The following TAFA1 variants were observed in gnomAD, a reference collection of about 807,000 sequenced individuals.
The protein encoded by TAFA1 is chemokine-like protein TAFA-1.
TAFA1 carries 4 observed loss-of-function variants against 18.5 expected under a neutral mutation model. The ratio of observed to expected loss-of-function variants is 0.22; its 90% CI spans 0.11 to 0.49. The LOEUF is 0.49. TAFA1 is among the 20% of genes least tolerant of loss of function. The pLI is 0.98. For synonymous variants in TAFA1, 56 were observed against 55.2 expected (o/e 1.01, Z -0.06); for missense variants, 147 against 169.0 (o/e 0.87, Z 0.72).
At chr3:68,148,811 A>G (rs1055795907) in intron 2 of TAFA1, among the ~76,000 whole-genome samples, 1 of 152,160 alleles carries the variant, frequency 6.6e-6, no homozygotes, top group Non-Finnish European at 1.5e-5. Context: ...ATTTTTTATC[A>G]AGATTAAATT....
chr3:68,196,950 G>T (rs1272255320), intron 2 of TAFA1, among the ~76,000 whole-genome samples: 1 of 151,736 alleles, frequency 6.6e-6, no homozygotes, highest in Non-Finnish European at 1.5e-5. Context: ...GCATGGAATG[G>T]ATTTCACAGA....
intron 2 of TAFA1, among the ~76,000 whole-genome samples, chr3:68,087,675 T>C (rs960035909): frequency 5.3e-5 from 8 of 151,870 alleles, no homozygotes; most frequent in African/African-American, 1.7e-4. Context: ...TCCATCCTTG[T>C]ATTTAAAACA....
At chr3:68,454,634 T>C (rs1272047491) in intron 3 of TAFA1, among the ~76,000 whole-genome samples, 1 of 152,182 alleles carries the variant, frequency 6.6e-6, no homozygotes, top group Non-Finnish European at 1.5e-5. Context: ...GTGACAAGTT[T>C]TTGTTACTGT....
intron 2 of TAFA1, among the ~76,000 whole-genome samples, chr3:68,338,383 A>T (rs2069013445): frequency 6.6e-6 from 1 of 152,212 alleles, no homozygotes; most frequent in Non-Finnish European, 1.5e-5. Flanking sequence ...TTTAAACAAA[A>T]ATATGCTTTG....
chr3:68,164,643 G>GTGTGTC (rs1401911022), intron 2 of TAFA1, among the ~76,000 whole-genome samples: 1 of 151,782 alleles, frequency 6.6e-6, no homozygotes, highest in Non-Finnish European at 1.5e-5. Flanking sequence ...GTGTGTGTGT[G>GTGTGTC]TGTGTGTGTG....
chr3:68,155,566 A>G (rs1020493664), intron 2 of TAFA1, among the ~76,000 whole-genome samples: 2 of 152,120 alleles, frequency 1.3e-5, no homozygotes, highest in Non-Finnish European at 2.9e-5. Context: ...TATGCCTTGT[A>G]GAAGTCCTGT....
intron 2 of TAFA1, among the ~76,000 whole-genome samples, chr3:68,030,668 T>C (rs1193461315): frequency 6.6e-6 from 1 of 152,196 alleles, no homozygotes; most frequent in African/African-American, 2.4e-5. Flanking sequence ...CTATCATTGG[T>C]GGGCATTTGG....
At chr3:68,464,143 G>C (rs2071837309) in intron 3 of TAFA1, among the ~76,000 whole-genome samples, 2 of 152,128 alleles carry the variant, frequency 1.3e-5, no homozygotes, top group Non-Finnish European at 2.9e-5. Flanking sequence ...CCAACTTTCT[G>C]TTCATCAGCT....
intron 2 of TAFA1, among the ~76,000 whole-genome samples, chr3:68,070,579 G>A (rs556559198): frequency 6.6e-6 from 1 of 152,326 alleles, no homozygotes; most frequent in East Asian, 1.9e-4. Flanking sequence ...AATTTCTGCA[G>A]CCAGCTTGAA....
intron 3 of TAFA1, among the ~76,000 whole-genome samples, chr3:68,455,172 T>G (rs1271778130): frequency 6.6e-6 from 1 of 152,124 alleles, no homozygotes; most frequent in Non-Finnish European, 1.5e-5. Context: ...CATCATAAAA[T>G]TCTTCATTCT....
chr3:68,032,829 C>T (rs1196234323), intron 2 of TAFA1, among the ~76,000 whole-genome samples: 1 of 152,158 alleles, frequency 6.6e-6, no homozygotes, highest in East Asian at 1.9e-4. Context: ...AGCCAAGAAT[C>T]TGGGGGAAAG....
At chr3:68,055,687 T>C (rs1409642417) in intron 2 of TAFA1, among the ~76,000 whole-genome samples, 2 of 152,128 alleles carry the variant, frequency 1.3e-5, no homozygotes, top group South Asian at 2.1e-4. Flanking sequence ...GTAGATAACT[T>C]CTGAAGTCTC....
intron 3 of TAFA1, among the ~76,000 whole-genome samples, chr3:68,436,471 A>G (rs888995300): frequency 6.6e-6 from 1 of 152,136 alleles, no homozygotes; most frequent in African/African-American, 2.4e-5. Flanking sequence ...TTTCAAAGAC[A>G]CCAATTAGTT....
chr3:68,002,611 G>A (rs1321170916), upstream of TAFA1, among the ~76,000 whole-genome samples: 1 of 152,146 alleles, frequency 6.6e-6, no homozygotes, highest in African/African-American at 2.4e-5. Flanking sequence ...TAGAAAGAAT[G>A]AATAATCATT....
Position 68,480,358 on chromosome 3 carries a change from G to A in TAFA1, c.260-58398G>A, listed in dbSNP as rs148013376. Among the ~76,000 whole-genome samples, 542 of 152,172 alleles carry A rather than the reference G, an allele frequency of 3.6e-3. 4 individuals carry two copies. Among genetic ancestry groups the A allele is most frequent in the African/African-American group, 0.012 (488 of 41,524 alleles). On this transcript the variant is annotated intron_variant, in intron 3 of 4. Transcript: ENST00000478136. ...GCGGAGGTTGCAGTGAGGCAAGATC[G>A]TGCCATTGCACTCCAGCCTGGGTGA... is the stretch of plus-strand genomic sequence containing the variant.
chr3:68,015,528 T>A (rs987905848), intron 2 of TAFA1, among the ~76,000 whole-genome samples: 22 of 152,314 alleles, frequency 1.4e-4, no homozygotes, highest in Admixed American at 1.2e-3. Context: ...CCTCAGGTGA[T>A]CCGCCCACTT....
At chr3:68,221,120 T>A (rs1044629373) in intron 2 of TAFA1, among the ~76,000 whole-genome samples, 1 of 152,194 alleles carries the variant, frequency 6.6e-6, no homozygotes, top group Non-Finnish European at 1.5e-5. Context: ...ACTCCTCTGC[T>A]TCACCATGGC....
intron 2 of TAFA1, among the ~76,000 whole-genome samples, chr3:68,215,740 GAC>G (rs1357283154): frequency 6.6e-6 from 1 of 152,066 alleles, no homozygotes; most frequent in Admixed American, 6.6e-5. Flanking sequence ...TACTTTAGAA[GAC>G]AGTTCGGCAG....
At chr3:68,023,571 G>A (rs1704745100) in intron 2 of TAFA1, among the ~76,000 whole-genome samples, 2 of 152,058 alleles carry the variant, frequency 1.3e-5, no homozygotes, top group African/African-American at 4.8e-5. Flanking sequence ...TACCTTAGTG[G>A]TTAGAAAATG....
Sources: allele counts gnomAD v4.1 joint callset (sites outside exome capture counted in the v4.1 genomes callset), GRCh38; gene constraint gnomAD v4.1.1; transcripts MANE v1.5; gene names NCBI Gene and HGNC (gene_info 2026-07-23, HGNC 2026-07-21).